NUP210L: variants seen among roughly 807,000 people sequenced by gnomAD.
The protein encoded by NUP210L is nucleoporin 210 like.
NUP210L carries 74 observed loss-of-function variants against 208.5 expected under a neutral mutation model. The ratio of observed to expected loss-of-function variants is 0.35; its 90% CI spans 0.29 to 0.43. The LOEUF is 0.43. NUP210L is among the 20% of genes least tolerant of loss of function. NUP210L has a pLI of 1.00. For missense variants in NUP210L, 1,843 were observed against 2,289.4 expected (o/e 0.81, Z 3.98); for synonymous variants, 780 against 816.9 (o/e 0.95, Z 0.77).
intron 33 of NUP210L, 84 bp from the exon 34 acceptor site, chr1:154,012,454 A>G (rs1650981436): frequency 3.0e-6 from 4 of 1,315,532 alleles, no homozygotes; most frequent in Non-Finnish European, 4.2e-6. Context: ...AACTTATTTA[A>G]CCAAAAGTAT....
Position 154,127,074 on chromosome 1 carries a change from C to G in NUP210L, c.1185+237G>C, listed in dbSNP as rs150609913. On this transcript the variant is annotated intron_variant, in intron 9 of 39. Coordinates refer to ENST00000368559, the Ensembl canonical transcript of NUP210L. ...TGAGCTATGATCACACCACTGTACTCCAGTCTGGGTGACAGAGCGAGACTG... is the reference window on the plus strand; with the variant it reads ...TGAGCTATGATCACACCACTGTACTGCAGTCTGGGTGACAGAGCGAGACTG... Among the ~76,000 whole-genome samples, 545 of 148,524 alleles carry G rather than the reference C, an allele frequency of 3.7e-3. 1 individual carries two copies. The highest frequency in any genetic ancestry group is 4.5e-3 in the Non-Finnish European group (305 of 67,648).
chr1:154,105,062 G>T (rs920446103), intron 12 of NUP210L, among the ~76,000 whole-genome samples: 2 of 152,176 alleles, frequency 1.3e-5, no homozygotes, highest in African/African-American at 4.8e-5. Context: ...GCATGAGGCA[G>T]AGTCACAAGG....
rs1396892391 is a variant in NUP210L at position 154,017,524 on chromosome 1, T to C, written c.4653+1409A>G. Among the ~76,000 whole-genome samples the C allele has an allele frequency of 7.4e-5, 11 of 149,242 alleles. 1 individual carries two copies. Among genetic ancestry groups the C allele is most frequent in the Non-Finnish European group, 1.6e-4 (11 of 67,096 alleles). ...CACTGGTTGTTTCTTTCTTTCTTTT[T>C]TTTTTTTTTTTTGAGAGAGTCTTAC... On this transcript the variant is annotated intron_variant, in intron 33 of 39. Coordinates refer to ENST00000368559, the Ensembl canonical transcript of NUP210L.
At chr1:154,051,215 C>T (rs1490212229) in intron 25 of NUP210L, among the ~76,000 whole-genome samples, 1 of 138,678 alleles carries the variant, frequency 7.2e-6, no homozygotes, top group South Asian at 2.4e-4. Context: ...GACATTTTCA[C>T]AATTTTTTTT....
exon 28 of NUP210L, chr1:154,029,940 A>T: frequency 6.2e-7 from 1 of 1,610,974 alleles, no homozygotes; most frequent in Non-Finnish European, 8.5e-7. Flanking sequence ...TTCCCCTCAA[A>T]CTGCCCAGAG....
At chr1:154,137,110 T>G (rs1571317904) in intron 6 of NUP210L, among the ~76,000 whole-genome samples, 1 of 152,102 alleles carries the variant, frequency 6.6e-6, no homozygotes, top group South Asian at 2.1e-4. Context: ...GTTTTATTTA[T>G]TTAGTTATTT....
At chr1:154,075,327 C>T (rs1654977519) in intron 16 of NUP210L, among the ~76,000 whole-genome samples, 1 of 152,110 alleles carries the variant, frequency 6.6e-6, no homozygotes, top group Non-Finnish European at 1.5e-5. Context: ...CATATATATA[C>T]ACACACATAT....
rs575056855 is a variant in NUP210L, at chr1:154,014,432, A to G, written c.4654-2062T>C. Among the ~76,000 whole-genome samples, 76 of 152,006 alleles carry G rather than the reference A, an allele frequency of 5.0e-4. 1 individual carries two copies. Among genetic ancestry groups the G allele is most frequent in the African/African-American group, 1.8e-3 (74 of 41,472 alleles). On this transcript the variant is annotated intron_variant, in intron 33 of 39. Transcript: ENST00000368559. ...TAATCCCTTCTCAGTCTCTTTTTCT[A>G]GTACTCTTTTCATGCTACCTCTGTC...
At position 153,994,785 on chromosome 1, in the gene NUP210L, G is replaced by A. The variant is rs533967755; in HGVS notation, c.5491+291C>T. On this transcript the variant is annotated intron_variant, in intron 38 of 39. Coordinates refer to ENST00000368559, the Ensembl canonical transcript of NUP210L. ...TCCCAGCACTTTGGGAGGCCGAGGC[G>A]GGTGGATCACGAGGTCAGGAGTTCA... 1.2e-4 allele frequency among the ~76,000 whole-genome samples: 18 copies of A among 151,462 alleles called. No individual in the cohort carries two copies. The South Asian group carries it at 1.9e-3, about 16-fold the overall frequency.
Position 154,029,954 on chromosome 1 carries a change from C to G in NUP210L, c.3797G>C (p.Ser1266Thr). The G allele has an allele frequency of 6.2e-7, 1 of 1,611,980 alleles. No individual in the cohort carries two copies. Among genetic ancestry groups the G allele is most frequent in the East Asian group, 2.2e-5 (1 of 44,790 alleles). The change falls in exon 28 of 40, where the codon AGT becomes ACT. Residue 1266 changes from serine (S) to threonine (T), a missense_variant. Transcript: ENST00000368559. ...ATTCCCCTCAAACTGCCCAGAGGAA[C>G]TGTTCATGCAGTGAACAGTGACCTT... is the stretch of plus-strand genomic sequence containing the variant.
intron 3 of NUP210L, 115 bp from the exon 4 acceptor site, chr1:154,141,639 A>C: frequency 1.5e-6 from 1 of 652,722 alleles, no homozygotes; most frequent in East Asian, 2.7e-5. Context: ...TCTTTCATTA[A>C]GAAATAGAAA....
At chr1:154,039,316 C>A (rs1652730678) in intron 27 of NUP210L, among the ~76,000 whole-genome samples, 1 of 151,746 alleles carries the variant, frequency 6.6e-6, no homozygotes, top group African/African-American at 2.4e-5. Context: ...TCACTACAAC[C>A]TCCGCCTCCC....
At position 154,053,096 on chromosome 1, in the gene NUP210L, G is replaced by C. The variant is rs1030484913; in HGVS notation, c.3483+1132C>G. 2.6e-5 allele frequency among the ~76,000 whole-genome samples: 4 copies of C among 152,170 alleles called. No individual in the cohort carries two copies. In the East Asian group the frequency reaches 7.7e-4, roughly 29 times the overall value. ...TCCAAATTTGGGAAAGAATAAAAAAGCATCTAGAAGGACACTCTGCAAACT... is the reference window on the plus strand; with the variant it reads ...TCCAAATTTGGGAAAGAATAAAAAACCATCTAGAAGGACACTCTGCAAACT... On this transcript the variant is annotated intron_variant, in intron 25 of 39. Transcript: ENST00000368559.
intron 25 of NUP210L, 149 bp from the exon 26 acceptor site, chr1:154,046,518 A>G (rs1653190877): frequency 5.9e-6 from 4 of 674,142 alleles, no homozygotes; most frequent in Non-Finnish European, 1.1e-5. Flanking sequence ...ACAATAGCCA[A>G]TATTTGGAGC....
At chr1:154,018,475 A>G (rs933119330) in intron 33 of NUP210L, among the ~76,000 whole-genome samples, 2 of 152,180 alleles carry the variant, frequency 1.3e-5, no homozygotes, top group African/African-American at 4.8e-5. Context: ...GTTGACGGTA[A>G]TGCTGTCCTT....
At chr1:154,006,938 G>GTA in intron 35 of NUP210L, among the ~76,000 whole-genome samples, 1 of 104,236 alleles carries the variant, frequency 9.6e-6, no homozygotes, top group East Asian at 2.8e-4. Flanking sequence ...GTGTGTGTGT[G>GTA]TGTGTGTGTA....
intron 33 of NUP210L, among the ~76,000 whole-genome samples, chr1:154,012,939 G>A (rs1475617236): frequency 5.4e-5 from 8 of 148,874 alleles, no homozygotes. Flanking sequence ...CTGGGAGGCA[G>A]AGGTTGCAGT....
chr1:154,010,819 G>A (rs1365195226), intron 34 of NUP210L, among the ~76,000 whole-genome samples: 3 of 151,928 alleles, frequency 2.0e-5, no homozygotes, highest in African/African-American at 4.8e-5. Flanking sequence ...GCAGTGAGCC[G>A]AGATTGCGCC....
intron 25 of NUP210L, among the ~76,000 whole-genome samples, chr1:154,049,367 G>A (rs1571212741): frequency 6.6e-6 from 1 of 152,238 alleles, no homozygotes; most frequent in Admixed American, 6.5e-5. Flanking sequence ...ATGAAATAGG[G>A]TACGTCCCTA....
Sources: allele counts gnomAD v4.1 joint callset (sites outside exome capture counted in the v4.1 genomes callset), GRCh38; gene constraint gnomAD v4.1.1; transcripts MANE v1.5; gene names NCBI Gene and HGNC (gene_info 2026-07-23, HGNC 2026-07-21).